OSBPL3: variants seen among roughly 807,000 people sequenced by gnomAD.
The protein encoded by OSBPL3 is oxysterol-binding protein-related protein 3.
Under a neutral mutation model 120.1 loss-of-function variants are expected in OSBPL3, and 65 were observed. The observed-to-expected ratio is 0.54, with a 90% CI of 0.44 to 0.67. OSBPL3 has a LOEUF of 0.67. OSBPL3 is among the 30% of genes least tolerant of loss of function. OSBPL3 has a pLI of 0.00. For missense variants in OSBPL3, 1,004 were observed against 1,082.1 expected, an observed-to-expected ratio of 0.93 and a Z score of 1.01; for synonymous variants, 416 against 402.6, an observed-to-expected ratio of 1.03 and a Z score of -0.40.
In OSBPL3 at chr7:24,819,514, C is replaced by T. The variant is rs971032818; in HGVS notation, c.1948+661G>A. 3.3e-5 allele frequency among the ~76,000 whole-genome samples: 5 copies of T among 152,030 alleles called. No individual in the cohort carries two copies. Among genetic ancestry groups the T allele is most frequent in the Admixed American group, 6.6e-5 (1 of 15,262 alleles). On this transcript the variant is annotated intron_variant, in intron 17 of 22. Transcript: ENST00000313367. This position sits in a 1 kb window ranked among gnomAD's most constrained non-coding sequence, Gnocchi z 4.1. The stretch of plus-strand genomic sequence containing the variant: ...GGAAGGGGGTTACAGTATACTGTTT[C>T]GTACTTTTAAAGTTTAATAGACTGC...
chr7:24,852,450 A>G lies in OSBPL3; in HGVS notation c.1158+54T>C. 7.2e-7 allele frequency: 1 copy of G among 1,380,634 alleles called. No individual in the cohort carries two copies. Among genetic ancestry groups the G allele is most frequent in the Non-Finnish European group, 9.5e-7 (1 of 1,051,946 alleles). The allele number at this position is 1,380,634 out of a possible 1,614,324, so 85.5% of individuals were successfully genotyped here. ...ATCATGGAAATAGAAATTACAAACC[A>G]TTCATGAGCCTGGACACATCTCAGG... On this transcript the variant is annotated intron_variant, in intron 11 of 22. Coordinates refer to ENST00000313367, the MANE Select transcript of OSBPL3 (RefSeq NM_015550.4). The surrounding 1 kb of genome is among the most constrained non-coding windows in gnomAD (Gnocchi z 4.1).
chr7:24,827,348 A>G lies in OSBPL3; in HGVS notation c.1884+3420T>C. On this transcript the variant is annotated intron_variant, in intron 16 of 22. Coordinates refer to ENST00000313367, the MANE Select transcript of OSBPL3 (RefSeq NM_015550.4). This position sits in a 1 kb window ranked among gnomAD's most constrained non-coding sequence, Gnocchi z 5.1. The stretch of plus-strand genomic sequence containing the variant: ...TCTGGCACTCTCTTCAGATGTGTTA[A>G]ATTAGAATAGACAGCATTGGGAGAG... Among the ~76,000 whole-genome samples the G allele has an allele frequency of 6.6e-6, 1 of 152,260 alleles. No homozygotes were observed. Among genetic ancestry groups the G allele is most frequent in the East Asian group, 1.9e-4 (1 of 5,198 alleles).
In OSBPL3 at chr7:24,852,516, G is replaced by GTTC; in HGVS notation, c.1143_1145dup (p.Lys381dup). 6.3e-7 allele frequency: 1 copy of GTTC among 1,582,442 alleles called. No individual in the cohort carries two copies. Among genetic ancestry groups the GTTC allele is most frequent in the Non-Finnish European group, 8.5e-7 (1 of 1,171,018 alleles). ...ACATGTAACTTACGGATGACAGGGC[G>GTTC]TTCTTCAGACCAATGACCTGAGCAG... On this transcript the variant is annotated inframe_insertion, in exon 11 of 23. Transcript: ENST00000313367. This position sits in a 1 kb window ranked among gnomAD's most constrained non-coding sequence, Gnocchi z 4.1.
intron 2 of OSBPL3, among the ~76,000 whole-genome samples, chr7:24,880,196 C>A (rs1174650712): frequency 2.0e-5 from 3 of 152,098 alleles, no homozygotes; most frequent in East Asian, 1.9e-4. Flanking sequence ...GCATTATTAT[C>A]CTCATTTTAC....
At position 24,871,786 on chromosome 7, in the gene OSBPL3, A is replaced by G; in HGVS notation, c.223T>C (p.Tyr75His). The stretch of plus-strand genomic sequence containing the variant: ...TATTTCAAGATTCCTTTGTCCAGAT[A>G]GAAGAATCTCTGTGGGGAAGAAAGT... The part of the protein sequence containing the change: ...PLKGWHKRFF[Y>H]LDKGILKYAK... Residue 75 changes from tyrosine (Y) to histidine (H), a missense_variant, in exon 4 of 23, where the codon TAT becomes CAT. Around this residue, in one of 4 missense-constraint regions of OSBPL3, gnomAD observed 255 missense variants for 248.7 expected, o/e 1.03. Transcript: ENST00000313367. The surrounding 1 kb of genome is among the most constrained non-coding windows in gnomAD (Gnocchi z 4.8). The G allele has an allele frequency of 1.2e-6, 2 of 1,612,350 alleles. No homozygotes were observed. The highest frequency in any genetic ancestry group is 2.2e-5 in the South Asian group (2 of 91,008).
Position 24,817,729 on chromosome 7 carries a change from C to T in OSBPL3, c.1949-1041G>A, listed in dbSNP as rs371381601. ...CTGCAATTGCCCAGGGGATAACAAA[C>T]GGGATGAAGGGAACCAAGACAACAG... is the stretch of plus-strand genomic sequence containing the variant. On this transcript the variant is annotated intron_variant, in intron 17 of 22. Transcript: ENST00000313367. This position sits in a 1 kb window ranked among gnomAD's most constrained non-coding sequence, Gnocchi z 4.0. Among the ~76,000 whole-genome samples the T allele has an allele frequency of 1.3e-5, 2 of 151,978 alleles. No individual in the cohort carries two copies. The highest frequency in any genetic ancestry group is 1.9e-4 in the East Asian group (1 of 5,190).
chr7:24,920,287 C>T (rs981492833), intron 1 of OSBPL3, among the ~76,000 whole-genome samples: 2 of 152,008 alleles, frequency 1.3e-5, no homozygotes, highest in East Asian at 1.9e-4. Flanking sequence ...AATATCCACA[C>T]AATATTATTT....
chr7:24,852,472 C>A lies in OSBPL3; in HGVS notation c.1158+32G>T. On this transcript the variant is annotated intron_variant, in intron 11 of 22. Coordinates refer to ENST00000313367, the MANE Select transcript of OSBPL3 (RefSeq NM_015550.4). The surrounding 1 kb of genome is among the most constrained non-coding windows in gnomAD (Gnocchi z 4.1). ...ACCATTCATGAGCCTGGACACATCT[C>A]AGGCATTCCTGGAGGCAGACATGTA... 1 of 1,523,396 alleles carries A rather than the reference C, an allele frequency of 6.6e-7. No individual in the cohort carries two copies. 94.4% of individuals were successfully genotyped at this position (1,523,396 alleles called of 1,614,324 possible).
intron 2 of OSBPL3, among the ~76,000 whole-genome samples, chr7:24,876,834 C>T (rs1041532552): frequency 6.6e-6 from 1 of 152,122 alleles, no homozygotes; most frequent in Non-Finnish European, 1.5e-5. Flanking sequence ...CCTTTTCTGT[C>T]TTGTTCACTA....
At chr7:24,861,485 AGG>A in intron 10 of OSBPL3, 126 bp downstream of exon 10, 1 of 573,458 alleles carries the variant, frequency 1.7e-6, no homozygotes, top group South Asian at 3.5e-5. Flanking sequence ...AATAAAGATT[AGG>A]TTTCCCTAAA....
At chr7:24,888,163 AG>A (rs1804810410) in intron 2 of OSBPL3, among the ~76,000 whole-genome samples, 1 of 152,232 alleles carries the variant, frequency 6.6e-6, no homozygotes, top group South Asian at 2.1e-4. Context: ...GGAGAAAAAA[AG>A]CTAGAACTAT....
At chr7:24,843,401 T>A (rs2128207852) in intron 12 of OSBPL3, among the ~76,000 whole-genome samples, 1 of 152,274 alleles carries the variant, frequency 6.6e-6, no homozygotes, top group South Asian at 2.1e-4. Context: ...GTAAAACCAC[T>A]CGTATTTTTT....
chr7:24,852,543 C>G lies in OSBPL3; in HGVS notation c.1119G>C (p.Pro373=), dbSNP rs570720336. ...TCTTCAGACCAATGACCTGAGCAGA[C>G]GGGGAGGAGGAGGCATCCTGCTCCA... is the stretch of plus-strand genomic sequence containing the variant. ...QLMEQDASSS[P]SAQVIGLKNA... is the part of the protein sequence containing the mutation. The change falls in exon 11 of 23, where the codon CCG becomes CCC. Residue 373 remains proline, a synonymous_variant. Transcript: ENST00000313367. The surrounding 1 kb of genome is among the most constrained non-coding windows in gnomAD (Gnocchi z 4.1). 2.5e-6 allele frequency: 4 copies of G among 1,604,940 alleles called. No individual in the cohort carries two copies. The highest frequency in any genetic ancestry group is 3.4e-6 in the Non-Finnish European group (4 of 1,177,806).
intron 1 of OSBPL3, among the ~76,000 whole-genome samples, chr7:24,970,104 CTTTTTTT>C (rs10540160): frequency 1.2e-4 from 10 of 83,004 alleles, no homozygotes; most frequent in East Asian, 3.4e-4. Context: ...TCGTCCCTTT[CTTTTTTT>C]TTTTTTTTTT....
chr7:24,907,917 G>T lies in OSBPL3; in HGVS notation c.-149-15296C>A, dbSNP rs1164443955. Among the ~76,000 whole-genome samples the T allele has an allele frequency of 2.6e-5, 4 of 152,194 alleles. No individual in the cohort carries two copies. In the East Asian group the frequency reaches 7.7e-4, roughly 29 times the overall value. On this transcript the variant is annotated intron_variant, in intron 1 of 22. Transcript: ENST00000313367. The stretch of plus-strand genomic sequence containing the variant: ...TTTACAAAGACTGGTAGCAATCTTT[G>T]TTGAGCCAAGGAAAGAGTTCTCAGT...
In OSBPL3 at chr7:24,900,050, T is replaced by C. The variant is rs955921531; in HGVS notation, c.-149-7429A>G. On this transcript the variant is annotated intron_variant, in intron 1 of 22. Transcript: ENST00000313367. The surrounding 1 kb of genome is among the most constrained non-coding windows in gnomAD (Gnocchi z 4.5). ...GGTAGGAAGCTAAAACCCTCTTTTA[T>C]TATCGTAGTCCTGTGGTTTTTAAAG... 3.9e-5 allele frequency among the ~76,000 whole-genome samples: 6 copies of C among 152,208 alleles called. No individual in the cohort carries two copies. The highest frequency in any genetic ancestry group is 7.2e-5 in the African/African-American group (3 of 41,452).
rs1562862733 is a variant in OSBPL3 at position 24,871,809 on chromosome 7, A to G, written c.214-14T>C. On this transcript the variant is annotated splice_polypyrimidine_tract_variant and intron_variant, in intron 3 of 22. Coordinates refer to ENST00000313367, the MANE Select transcript of OSBPL3 (RefSeq NM_015550.4). This position sits in a 1 kb window ranked among gnomAD's most constrained non-coding sequence, Gnocchi z 4.8. ...ATAGAAGAATCTCTGTGGGGAAGAA[A>G]GTATTATTAATTAAGGCATTCAATT... 6.2e-7 allele frequency: 1 copy of G among 1,603,398 alleles called. No individual in the cohort carries two copies. The highest frequency in any genetic ancestry group is 1.7e-5 in the Admixed American group (1 of 59,876).
chr7:24,948,129 C>T (rs200811263), intron 1 of OSBPL3, among the ~76,000 whole-genome samples: 2 of 152,054 alleles, frequency 1.3e-5, no homozygotes, highest in East Asian at 1.9e-4. Flanking sequence ...CCCTTGGCTA[C>T]GGAAGACAAA....
chr7:24,965,120 G>A lies in OSBPL3; in HGVS notation c.-150+14766C>T, dbSNP rs1584751028. Among the ~76,000 whole-genome samples the A allele has an allele frequency of 6.6e-6, 1 of 152,268 alleles. No individual in the cohort carries two copies. The highest frequency in any genetic ancestry group is 1.9e-4 in the East Asian group (1 of 5,190). On this transcript the variant is annotated intron_variant, in intron 1 of 22. Transcript: ENST00000313367. The surrounding 1 kb of genome is among the most constrained non-coding windows in gnomAD (Gnocchi z 4.3). Reference sequence around the variant, plus strand: ...TTATTCAACAATAAGTATGTGCTCTGTATTATGTCTTCAAAAAATATTTAC... The same window carrying A: ...TTATTCAACAATAAGTATGTGCTCTATATTATGTCTTCAAAAAATATTTAC...
Sources: allele counts gnomAD v4.1 joint callset (sites outside exome capture counted in the v4.1 genomes callset), GRCh38; gene constraint gnomAD v4.1.1; regional missense constraint gnomAD v4.1.1; non-coding constraint Gnocchi (gnomAD v3.1); transcripts MANE v1.5; gene names NCBI Gene and HGNC (gene_info 2026-07-23, HGNC 2026-07-21).